Variants in FANCC observed in about 807,000 individuals in gnomAD.
FANCC encodes the protein FA complementation group C.
In FANCC, 55 loss-of-function variants were observed where a neutral mutation model predicts 71.3. That is an observed-to-expected ratio of 0.77 (90% CI 0.62 to 0.97). FANCC has a LOEUF of 0.97. Ranked by LOEUF, FANCC falls within the 50% of genes least tolerant of loss-of-function variation. FANCC has a pLI of 0.00. For synonymous variants in FANCC, 275 were observed against 244.9 expected, an observed-to-expected ratio of 1.12 and a Z score of -1.15; for missense variants, 678 against 670.9, an observed-to-expected ratio of 1.01 and a Z score of -0.12.
At chr9:95,208,155 T>A (rs1321866957) in intron 4 of FANCC, among the ~76,000 whole-genome samples, 1 of 122,146 alleles carries the variant, frequency 8.2e-6, no homozygotes, top group Non-Finnish European at 1.6e-5. Context: ...TGGAGTGCAA[T>A]GGTGCAATCT....
At chr9:95,137,678 AAGG>A (rs895234170) in intron 7 of FANCC, among the ~76,000 whole-genome samples, 59 of 152,328 alleles carry the variant, frequency 3.9e-4, no homozygotes, top group African/African-American at 1.4e-3. Flanking sequence ...TTGAATATCC[AAGG>A]TGGAAGCTCC....
intron 14 of FANCC, among the ~76,000 whole-genome samples, chr9:95,104,973 A>G (rs1261114408): frequency 1.3e-5 from 2 of 152,158 alleles, no homozygotes; most frequent in African/African-American, 4.8e-5. Context: ...TATTTCGCTC[A>G]GTGTAAAGCC....
At chr9:95,187,522 A>C (rs1159377947) in intron 4 of FANCC, among the ~76,000 whole-genome samples, 1 of 152,198 alleles carries the variant, frequency 6.6e-6, no homozygotes, top group Non-Finnish European at 1.5e-5. Flanking sequence ...TCATGTACAG[A>C]GACCTCAATC....
intron 8 of FANCC, among the ~76,000 whole-genome samples, chr9:95,132,254 G>A (rs1827021429): frequency 6.6e-6 from 1 of 152,182 alleles, no homozygotes; most frequent in Admixed American, 6.5e-5. Context: ...CTGACACCCT[G>A]CAGACACTTT....
chr9:95,245,288 G>A (rs984740982), intron 3 of FANCC, among the ~76,000 whole-genome samples: 4 of 151,842 alleles, frequency 2.6e-5, no homozygotes, highest in African/African-American at 9.7e-5. Flanking sequence ...TCCAGTCTCG[G>A]GTCATGAACA....
chr9:95,194,391 C>G (rs1827287789), intron 4 of FANCC, among the ~76,000 whole-genome samples: 1 of 152,210 alleles, frequency 6.6e-6, no homozygotes, highest in Non-Finnish European at 1.5e-5. Context: ...AGCAGCCTGT[C>G]AAGGCTGGCA....
chr9:95,174,404 T>G (rs1454786445), intron 4 of FANCC, among the ~76,000 whole-genome samples: 1 of 152,138 alleles, frequency 6.6e-6, no homozygotes, highest in African/African-American at 2.4e-5. Context: ...GTGATTAAGT[T>G]TCAACACATG....
chr9:95,110,585 C>CTATT, intron 13 of FANCC: 1 of 1,035,302 alleles, frequency 9.7e-7, no homozygotes, highest in Non-Finnish European at 1.2e-6. Flanking sequence ...AAATCTAAAA[C>CTATT]TATTTTTCTT....
At chr9:95,252,575 T>C (rs1831415332) in intron 1 of FANCC, among the ~76,000 whole-genome samples, 1 of 151,008 alleles carries the variant, frequency 6.6e-6, no homozygotes, top group Non-Finnish European at 1.5e-5. Context: ...CGAAACCCCA[T>C]CTCTACTAAA....
intron 3 of FANCC, 25 bp from the exon 4 acceptor site, chr9:95,240,768 T>C: frequency 7.4e-7 from 1 of 1,357,828 alleles, no homozygotes; most frequent in Non-Finnish European, 1.1e-6. Flanking sequence ...ACTTAATAAG[T>C]TTTATCAAGC....
At chr9:95,250,640 T>C (rs912548890) in intron 1 of FANCC, among the ~76,000 whole-genome samples, 2 of 152,242 alleles carry the variant, frequency 1.3e-5, no homozygotes, top group Non-Finnish European at 2.9e-5. Flanking sequence ...ATCTAGATAA[T>C]GTCCATGCCT....
intron 4 of FANCC, among the ~76,000 whole-genome samples, chr9:95,194,648 C>T (rs115636505): frequency 0.01 from 1,586 of 151,396 alleles, 30 homozygotes; most frequent in African/African-American, 0.037. Flanking sequence ...TTTTTTTGCT[C>T]ATGAACTTAT....
intron 1 of FANCC, among the ~76,000 whole-genome samples, chr9:95,311,709 C>CCG (rs1554875365): frequency 6.9e-6 from 1 of 144,494 alleles, no homozygotes; most frequent in Non-Finnish European, 1.5e-5. Context: ...TCCTCTGAAT[C>CCG]TGTGTGTGTG....
intron 3 of FANCC, among the ~76,000 whole-genome samples, chr9:95,243,551 G>T (rs576700147): frequency 1.3e-5 from 2 of 152,084 alleles, no homozygotes; most frequent in African/African-American, 4.8e-5. Flanking sequence ...TTGGGAGGCC[G>T]AGGTGGGCGG....
At chr9:95,268,879 A>C (rs1388544288) in intron 1 of FANCC, among the ~76,000 whole-genome samples, 1 of 152,190 alleles carries the variant, frequency 6.6e-6, no homozygotes, top group Non-Finnish European at 1.5e-5. Context: ...CTGACAGGAC[A>C]CAGGCCCTGG....
At chr9:95,107,000 C>T in intron 14 of FANCC, 66 bp downstream of exon 14, 1 of 1,514,674 alleles carries the variant, frequency 6.6e-7, no homozygotes, top group African/African-American at 1.4e-5. Flanking sequence ...GACCCTCGGA[C>T]AGGTAACCCA....
intron 4 of FANCC, among the ~76,000 whole-genome samples, chr9:95,232,004 A>G (rs1197842001): frequency 6.6e-6 from 1 of 152,234 alleles, no homozygotes; most frequent in Admixed American, 6.5e-5. Context: ...ATTATAAAGA[A>G]AAGAGCTTCA....
At chr9:95,221,186 AGCCT>A (rs1237274764) in intron 4 of FANCC, among the ~76,000 whole-genome samples, 1 of 152,166 alleles carries the variant, frequency 6.6e-6, no homozygotes, top group East Asian at 1.9e-4. Flanking sequence ...ACTGCACTCC[AGCCT>A]GGCGACAGAG....
intron 1 of FANCC, chr9:95,294,453 G>A (rs1284867384): frequency 6.2e-7 from 1 of 1,601,172 alleles, no homozygotes; most frequent in Non-Finnish European, 8.5e-7. Context: ...GACAAACACA[G>A]ACAGACTTAA....
Sources: gnomAD v4.1 joint callset for allele counts (sites outside exome capture counted in the v4.1 genomes callset) on GRCh38, gnomAD v4.1.1 for gene constraint, MANE v1.5 for transcripts, NCBI Gene and HGNC (gene_info 2026-07-23, HGNC 2026-07-21) for gene names.